PTPN21: variants seen among roughly 807,000 people sequenced by gnomAD.
The protein encoded by PTPN21 is protein tyrosine phosphatase non-receptor type 21, also known as tyrosine-protein phosphatase non-receptor type 21.
A neutral mutation model predicts 131.8 loss-of-function variants in PTPN21; 77 were observed. That is an observed-to-expected ratio of 0.58 (90% CI 0.49 to 0.71). PTPN21 has a LOEUF of 0.71. Among genes scored for constraint, PTPN21 ranks in the 30% least tolerant of loss-of-function variants. The probability of loss-of-function intolerance (pLI) is 0.00; values close to 1 mark genes in which losing one functional copy is unlikely to be tolerated. For missense variants in PTPN21, 1,552 were observed against 1,527.1 expected (o/e 1.02, Z -0.27); for synonymous variants, 715 against 621.3 (o/e 1.15, Z -2.24).
chr14:88,494,178 A>G (rs747252393), intron 10 of PTPN21, among the ~76,000 whole-genome samples: 1 of 152,196 alleles, frequency 6.6e-6, no homozygotes, highest in Non-Finnish European at 1.5e-5. Context: ...ATATCTGACC[A>G]GACAGCAGGC....
intron 10 of PTPN21, among the ~76,000 whole-genome samples, chr14:88,489,468 C>A (rs1322904879): frequency 3.3e-5 from 5 of 151,698 alleles, no homozygotes; most frequent in African/African-American, 9.7e-5. Context: ...AGCAAGACCC[C>A]ATCTCTAAAA....
chr14:88,493,917 G>A (rs950186659), intron 10 of PTPN21, among the ~76,000 whole-genome samples: 4 of 152,132 alleles, frequency 2.6e-5, no homozygotes, highest in African/African-American at 7.2e-5. Context: ...CATTAAGGCC[G>A]ACAGTGAGCC....
intron 10 of PTPN21, among the ~76,000 whole-genome samples, chr14:88,494,249 G>C (rs1293760307): frequency 6.6e-6 from 1 of 152,066 alleles, no homozygotes; most frequent in Non-Finnish European, 1.5e-5. Flanking sequence ...CATCCCCTAG[G>C]GTGAGGCACA....
At chr14:88,516,905 A>G (rs574456724) in intron 3 of PTPN21, among the ~76,000 whole-genome samples, 187 bp downstream of exon 3, 1 of 152,322 alleles carries the variant, frequency 6.6e-6, no homozygotes, top group East Asian at 1.9e-4. Flanking sequence ...TAGTGAACCC[A>G]TAAGTTACCC....
At chr14:88,537,207 A>T (rs2078643542) in intron 2 of PTPN21, among the ~76,000 whole-genome samples, 1 of 152,194 alleles carries the variant, frequency 6.6e-6, no homozygotes, top group Non-Finnish European at 1.5e-5. Context: ...AAGTCCAAGT[A>T]ACTGAACTTC....
chr14:88,480,051 C>T lies in PTPN21; in HGVS notation c.1380G>A (p.Arg460=), dbSNP rs993036833. ...TCTGCCGTTCCGCATGCACCAGGCC[C>T]CTGTTGAGCTGCTTCATCACAGTCT... is the stretch of plus-strand genomic sequence containing the variant. ...DYETVMKQLN[R]GLVHAERQSH... The change falls in exon 13 of 19, where the codon AGG becomes AGA. Residue 460 remains arginine (R), a synonymous_variant. Coordinates refer to ENST00000556564, the MANE Select transcript of PTPN21 (RefSeq NM_007039.4). The T allele has an allele frequency of 2.5e-6, 4 of 1,613,942 alleles. No homozygotes were observed. In the African/African-American group the frequency reaches 5.3e-5, roughly 22 times the overall value.
chr14:88,518,377 T>C (rs1347058500), intron 2 of PTPN21, among the ~76,000 whole-genome samples: 1 of 19,392 alleles, frequency 5.2e-5, no homozygotes, highest in Admixed American at 9.0e-4. Flanking sequence ...TGTGTGTATG[T>C]GTGTGTGTGT....
intron 6 of PTPN21, among the ~76,000 whole-genome samples, chr14:88,502,888 T>G (rs1442766031): frequency 2.0e-5 from 3 of 152,076 alleles, no homozygotes; most frequent in African/African-American, 7.2e-5. Flanking sequence ...GAAACTGATA[T>G]TCTAGGGAGA....
intron 2 of PTPN21, among the ~76,000 whole-genome samples, chr14:88,534,391 A>AC (rs2078599443): frequency 6.6e-6 from 1 of 152,094 alleles, no homozygotes; most frequent in Admixed American, 6.5e-5. Context: ...AAAAGAAAAA[A>AC]AAAAAAGTTT....
chr14:88,489,389 C>G (rs1286002619), intron 10 of PTPN21, among the ~76,000 whole-genome samples: 1 of 152,106 alleles, frequency 6.6e-6, no homozygotes, highest in Non-Finnish European at 1.5e-5. Context: ...CCTGTAATCC[C>G]AGGTACTTAG....
chr14:88,512,962 C>T (rs2078208520), intron 3 of PTPN21, among the ~76,000 whole-genome samples: 1 of 152,102 alleles, frequency 6.6e-6, no homozygotes, highest in African/African-American at 2.4e-5. Context: ...TCCCTTTACC[C>T]AAAGGTTTTA....
At chr14:88,498,829 T>C (rs78562138) in intron 8 of PTPN21, among the ~76,000 whole-genome samples, 44 of 152,348 alleles carry the variant, frequency 2.9e-4, no homozygotes, top group Admixed American at 5.2e-4. Flanking sequence ...TATATGTTAA[T>C]ATTTGATTTT....
At chr14:88,553,535 T>C (rs922177104) in intron 1 of PTPN21, among the ~76,000 whole-genome samples, 2 of 150,900 alleles carry the variant, frequency 1.3e-5, no homozygotes, top group African/African-American at 5.0e-5. Flanking sequence ...TGCAATAATA[T>C]GAAAGTGATT....
intron 2 of PTPN21, among the ~76,000 whole-genome samples, chr14:88,530,446 T>C (rs1187577615): frequency 2.0e-5 from 3 of 152,128 alleles, no homozygotes; most frequent in Admixed American, 6.5e-5. Flanking sequence ...AGTACTAACC[T>C]TGAATGTAAA....
rs1216724719 is a variant in PTPN21 at position 88,469,953 on chromosome 14, A to T, written c.2969T>A (p.Ile990Asn). 1 of 1,613,960 alleles carries T rather than the reference A, an allele frequency of 6.2e-7. No homozygotes were observed. The highest frequency in any genetic ancestry group is 8.5e-7 in the Non-Finnish European group (1 of 1,180,018). Reference protein sequence around the residue: ...DFWQMVWEQGIAIIAMVTAEE... With the variant: ...DFWQMVWEQGNAIIAMVTAEE... Reference sequence around the variant, plus strand: ...TGCTGTCACCATTGCTATAATTGCAATTCCCTGTTCCCATACCATCTGCCA... The same window carrying T: ...TGCTGTCACCATTGCTATAATTGCATTTCCCTGTTCCCATACCATCTGCCA... Residue 990 changes from isoleucine to asparagine, a missense_variant, in exon 16 of 19, where the codon ATT (isoleucine) becomes AAT (asparagine). This residue lies in a region of PTPN21 where 316 missense variants were observed against 378.5 expected (regional missense o/e 0.83). Transcript: ENST00000556564. This position sits in a 1 kb window ranked among gnomAD's most constrained non-coding sequence, Gnocchi z 4.3.
At chr14:88,471,544 A>T (rs1286491562) in intron 15 of PTPN21, among the ~76,000 whole-genome samples, 1 of 152,116 alleles carries the variant, frequency 6.6e-6, no homozygotes, top group East Asian at 1.9e-4. Context: ...CACCATAAAC[A>T]TTACCCCAGT....
At chr14:88,474,451 G>T (rs1471123667) in intron 13 of PTPN21, among the ~76,000 whole-genome samples, 1 of 152,152 alleles carries the variant, frequency 6.6e-6, no homozygotes, top group Non-Finnish European at 1.5e-5. Context: ...CAAAGTGCTT[G>T]AGATTACAGG....
chr14:88,547,989 C>T (rs1275517976), intron 2 of PTPN21, among the ~76,000 whole-genome samples: 1 of 152,166 alleles, frequency 6.6e-6, no homozygotes, highest in Admixed American at 6.5e-5. Flanking sequence ...TCACCACACG[C>T]TCCTCCTTGC....
intron 10 of PTPN21, among the ~76,000 whole-genome samples, chr14:88,487,253 C>G (rs932452504): frequency 5.9e-5 from 9 of 151,958 alleles, no homozygotes; most frequent in Non-Finnish European, 1.5e-5. Flanking sequence ...GTAGTTTTGT[C>G]AAAGCACTTT....
Sources: allele counts gnomAD v4.1 joint callset (sites outside exome capture counted in the v4.1 genomes callset), GRCh38; gene constraint gnomAD v4.1.1; regional missense constraint gnomAD v4.1.1; non-coding constraint Gnocchi (gnomAD v3.1); transcripts MANE v1.5; gene names NCBI Gene and HGNC (gene_info 2026-07-23, HGNC 2026-07-21).